Variants in ZNF782 observed in about 807,000 individuals in gnomAD.
ZNF782 encodes zinc finger protein 782.
ZNF782 carries 12 observed loss-of-function variants against 13.0 expected under a neutral mutation model. The observed-to-expected ratio is 0.92, with a 90% CI of 0.59 to 1.50. The LOEUF (loss-of-function observed/expected upper bound fraction) is 1.50, where lower values mean the gene tolerates loss of function less well. Ranked by LOEUF, ZNF782 falls within the 40% of genes most tolerant of loss-of-function variation. The pLI is 0.00. For synonymous variants in ZNF782, 284 were observed against 283.0 expected (o/e 1.00, Z -0.04); for missense variants, 770 against 822.9 (o/e 0.94, Z 0.79).
intron 4 of ZNF782, among the ~76,000 whole-genome samples, chr9:96,834,149 T>C (rs1365177015): frequency 6.6e-6 from 1 of 150,668 alleles, no homozygotes; most frequent in Non-Finnish European, 1.5e-5. Flanking sequence ...TCATCTTGAA[T>C]TGTAGTTCCC....
In ZNF782 at chr9:96,848,557, A is replaced by G. The variant is rs141045030; in HGVS notation, c.15+3390T>C. ...TCAAATCAAGAACTCAATTTCTTTT[A>G]CAACAGCTGCAAAAACAAAATAACA... On this transcript the variant is annotated intron_variant, in intron 3 of 5. Coordinates refer to ENST00000481138, the MANE Select transcript of ZNF782 (RefSeq NM_001001662.3). 2.0e-4 allele frequency among the ~76,000 whole-genome samples: 31 copies of G among 152,298 alleles called. No individual in the cohort carries two copies. In the East Asian group the frequency reaches 6.0e-3, roughly 29 times the overall value.
chr9:96,874,760 T>C (rs1041150085), intron 1 of ZNF782, among the ~76,000 whole-genome samples: 5 of 152,234 alleles, frequency 3.3e-5, no homozygotes, highest in Admixed American at 6.5e-5. Context: ...CCCTGCTTCC[T>C]AATTCACAAG....
At chr9:96,892,035 G>C in the ZNF782 span, 1 of 152,206 alleles carries the variant, frequency 6.6e-6, no homozygotes, top group Non-Finnish European at 1.5e-5. Flanking sequence ...GCCCATGGTT[G>C]GGAAAAGGGG....
upstream of ZNF782, among the ~76,000 whole-genome samples, chr9:96,877,723 C>T (rs1454405568): frequency 6.6e-6 from 1 of 152,190 alleles, no homozygotes; most frequent in African/African-American, 2.4e-5. Flanking sequence ...GGTCTCCCTG[C>T]CTGGGGTCGT....
At chr9:96,897,424 G>C in the ZNF782 span, among the ~76,000 whole-genome samples, 1 of 152,184 alleles carries the variant, frequency 6.6e-6, no homozygotes, top group Admixed American at 6.5e-5. Context: ...AGGAGAATGG[G>C]TGCTCAGATG....
chr9:96,920,550 G>A, the ZNF782 span, among the ~76,000 whole-genome samples: 5 of 149,110 alleles, frequency 3.4e-5, 1 homozygote, highest in Non-Finnish European at 7.4e-5. Flanking sequence ...ACAGGCGTGA[G>A]CCACCGCGCC....
intron 4 of ZNF782, among the ~76,000 whole-genome samples, chr9:96,843,658 T>C (rs915563138): frequency 2.0e-5 from 3 of 152,186 alleles, no homozygotes; most frequent in Non-Finnish European, 4.4e-5. Context: ...TTCACACACA[T>C]TGTACCAGTG....
chr9:96,930,870 T>G, the ZNF782 span, among the ~76,000 whole-genome samples: 3 of 119,770 alleles, frequency 2.5e-5, no homozygotes, highest in Admixed American at 9.9e-5. Flanking sequence ...TTCCATCCAG[T>G]GGTTTTTTTT....
the ZNF782 span, chr9:96,933,644 T>C: frequency 6.6e-6 from 1 of 152,458 alleles, no homozygotes; most frequent in Non-Finnish European, 1.5e-5. Context: ...AGTGCTGGGA[T>C]TGCAGACGTG....
downstream of ZNF782, among the ~76,000 whole-genome samples, chr9:96,816,221 A>C (rs1173226342): frequency 1.3e-5 from 2 of 152,230 alleles, no homozygotes; most frequent in African/African-American, 4.8e-5. Context: ...CCTTTACTAG[A>C]CAGACATGTT....
At chr9:96,932,502 G>A in the ZNF782 span, 5 of 1,201,608 alleles carry the variant, frequency 4.2e-6, no homozygotes, top group Admixed American at 1.1e-4. Flanking sequence ...ACACTGTTCA[G>A]GGGAGCTTGC....
chr9:96,846,295 C>T lies in ZNF782; in HGVS notation c.16-1279G>A, dbSNP rs566389455. On this transcript the variant is annotated intron_variant, in intron 3 of 5. Coordinates refer to ENST00000481138, the MANE Select transcript of ZNF782 (RefSeq NM_001001662.3). ...TAAACCAATAATTCAATGAAAAAAG[C>T]AAACTAGGTAGCAATGTGATGAAGA... Among the ~76,000 whole-genome samples, 9 of 152,038 alleles carry T rather than the reference C, an allele frequency of 5.9e-5. No individual in the cohort carries two copies. The South Asian group carries it at 1.7e-3, about 28-fold the overall frequency.
At chr9:96,852,378 G>A (rs995481280) in intron 2 of ZNF782, among the ~76,000 whole-genome samples, 3 of 152,178 alleles carry the variant, frequency 2.0e-5, no homozygotes, top group East Asian at 1.9e-4. Context: ...TGTGGTTCAA[G>A]CCTGTAACCC....
chr9:96,872,828 G>A (rs1243569832), intron 1 of ZNF782, among the ~76,000 whole-genome samples: 1 of 152,168 alleles, frequency 6.6e-6, no homozygotes, highest in African/African-American at 2.4e-5. Flanking sequence ...GTTGGTTATT[G>A]TGTCTGAGAG....
the ZNF782 span, among the ~76,000 whole-genome samples, chr9:96,897,020 G>A: frequency 6.6e-6 from 1 of 152,156 alleles, no homozygotes; most frequent in Non-Finnish European, 1.5e-5. Context: ...ATCATACATT[G>A]GGCATTGTCT....
chr9:96,868,540 T>G (rs1312199751), intron 1 of ZNF782, among the ~76,000 whole-genome samples: 3 of 152,232 alleles, frequency 2.0e-5, no homozygotes, highest in Admixed American at 6.5e-5. Flanking sequence ...TTCAAAGAAA[T>G]GAAAAAGCTG....
At chr9:96,843,851 G>C (rs925359883) in intron 4 of ZNF782, among the ~76,000 whole-genome samples, 2 of 152,088 alleles carry the variant, frequency 1.3e-5, no homozygotes, top group South Asian at 4.1e-4. Context: ...AAAAAGAGAA[G>C]CAAGAGATGG....
chr9:96,835,266 T>C (rs1347050217), intron 4 of ZNF782, among the ~76,000 whole-genome samples: 1 of 152,176 alleles, frequency 6.6e-6, no homozygotes, highest in Non-Finnish European at 1.5e-5. Context: ...AATCTAAAGA[T>C]GGAATTTATA....
rs12238104 is a variant in ZNF782 at position 96,824,425 on chromosome 9, A to G, written c.244+2655T>C. Among the ~76,000 whole-genome samples the G allele has an allele frequency of 0.02, 2,962 of 149,266 alleles. 103 individuals are homozygous for G. The East Asian group carries it at 0.22, about 11-fold the overall frequency. ...TATCTCAAAATAATAAGAGCTATCT[A>G]TGACAAACCCACAGCCAATATCATA... On this transcript the variant is annotated intron_variant, in intron 5 of 5. Transcript: ENST00000481138.
Sources: gnomAD v4.1 joint callset for allele counts (sites outside exome capture counted in the v4.1 genomes callset) on GRCh38, gnomAD v4.1.1 for gene constraint, MANE v1.5 for transcripts, NCBI Gene and HGNC (gene_info 2026-07-23, HGNC 2026-07-21) for gene names.